The following PREP variants were observed in gnomAD, a reference collection of about 807,000 sequenced individuals.
PREP encodes the protein prolyl endopeptidase.
In PREP, 29 loss-of-function variants were observed where a neutral mutation model predicts 87.6. That is an observed-to-expected ratio of 0.33 (90% CI 0.25 to 0.45). The LOEUF (loss-of-function observed/expected upper bound fraction) is 0.45. PREP is among the 20% of genes least tolerant of loss of function. PREP has a pLI of 1.00. For missense variants in PREP, 695 were observed against 886.5 expected, an observed-to-expected ratio of 0.78 and a Z score of 2.74; for synonymous variants, 337 against 328.6, an observed-to-expected ratio of 1.03 and a Z score of -0.28.
rs528136614 is a variant in PREP, at chr6:105,284,612, CT to C, written c.1549+873del. 3.2e-3 allele frequency among the ~76,000 whole-genome samples: 481 copies of C among 152,220 alleles called. 2 individuals are homozygous for C. Among genetic ancestry groups the C allele is most frequent in the Non-Finnish European group, 3.3e-3 (224 of 68,016 alleles). On this transcript the variant is annotated intron_variant, in intron 12 of 14. Coordinates refer to ENST00000652536, the MANE Select transcript of PREP (RefSeq NM_002726.5). The stretch of plus-strand genomic sequence containing the variant: ...TTATGATAAATGATGGCTGAAAAGA[CT>C]GGGGGAAGCATAGAGCTGATGGAGG...
chr6:105,327,037 G>A (rs548454816), intron 9 of PREP, among the ~76,000 whole-genome samples: 4 of 152,218 alleles, frequency 2.6e-5, no homozygotes, highest in South Asian at 2.1e-4. Context: ...GGTCACATGC[G>A]GTCACTGAAG....
Position 105,285,695 on chromosome 6 carries a change from A to G in PREP, c.1455-115T>C, listed in dbSNP as rs552368423. On this transcript the variant is annotated intron_variant, in intron 11 of 14. Transcript: ENST00000652536. ...CAACACTCTGAGTAATATCATCTCA[A>G]TAGGAGCTTGACATTTCTTTTATTG... 17 of 759,814 alleles carry G rather than the reference A, an allele frequency of 2.2e-5. No homozygotes were observed. The East Asian group carries it at 4.4e-4, about 20-fold the overall frequency. 47.1% of individuals were successfully genotyped at this position (759,814 alleles called of 1,614,324 possible).
chr6:105,330,641 T>C (rs1771303364), intron 8 of PREP, among the ~76,000 whole-genome samples: 1 of 151,332 alleles, frequency 6.6e-6, no homozygotes, highest in Non-Finnish European at 1.5e-5. Context: ...TCACATGTGC[T>C]GAACAGACAA....
chr6:105,280,404 T>C (rs1382855006), intron 14 of PREP, among the ~76,000 whole-genome samples: 1 of 151,040 alleles, frequency 6.6e-6, no homozygotes, highest in Non-Finnish European at 1.5e-5. Flanking sequence ...CAAACACTGG[T>C]GATTAAAAAT....
At chr6:105,362,208 C>A (rs926523996) in intron 6 of PREP, among the ~76,000 whole-genome samples, 4 of 152,168 alleles carry the variant, frequency 2.6e-5, no homozygotes, top group African/African-American at 9.7e-5. Context: ...AGCCTGTAAT[C>A]CCAGCACTTT....
intron 2 of PREP, among the ~76,000 whole-genome samples, chr6:105,388,303 T>C (rs911048416): frequency 2.6e-5 from 4 of 152,184 alleles, no homozygotes; most frequent in Admixed American, 2.0e-4. Context: ...TGGAGATCAG[T>C]GAAGCCATAG....
At chr6:105,402,761 C>T (rs11968875) in intron 1 of PREP, 86 bp downstream of exon 1, 75,754 of 1,303,200 alleles carry the variant, frequency 0.058, 3,282 homozygotes, top group African/African-American at 0.16. Flanking sequence ...CGAAGGCCTA[C>T]AGGAAGAGGA....
In PREP at chr6:105,278,394, A is replaced by C; in HGVS notation, c.1883T>G (p.Ile628Ser). ...GAGGAGCAGCATGGACGGGTACTGGATGTCATCTGCTTCTGGTAACTTCAC... is the reference window on the plus strand; with the variant it reads ...GAGGAGCAGCATGGACGGGTACTGGCTGTCATCTGCTTCTGGTAACTTCAC... The part of the protein sequence containing the change: ...HNVKLPEADD[I>S]QYPSMLLLTA... Residue 628 changes from isoleucine to serine, a missense_variant, in exon 15 of 15, where the codon ATC (isoleucine) becomes AGC (serine). This residue lies in a region of PREP where 121 missense variants were observed against 154.8 expected (regional missense o/e 0.78). Transcript: ENST00000652536. This position sits in a 1 kb window ranked among gnomAD's most constrained non-coding sequence, Gnocchi z 4.2. 6.2e-7 allele frequency: 1 copy of C among 1,614,064 alleles called. No homozygotes were observed. Among genetic ancestry groups the C allele is most frequent in the African/African-American group, 1.3e-5 (1 of 75,062 alleles).
chr6:105,381,520 A>G (rs1161953974), intron 2 of PREP, among the ~76,000 whole-genome samples: 1 of 152,226 alleles, frequency 6.6e-6, no homozygotes, highest in Non-Finnish European at 1.5e-5. Context: ...GGAAAACACA[A>G]ATTCCTTGTT....
At position 105,277,195 on chromosome 6, in the gene PREP, C is replaced by A. The variant is rs1769959106; in HGVS notation, c.*949G>T. ...TTTTTTTTCCAGTAAGTAAGTATGA[C>A]TATTTCTATTTCCAGGAGTGATCTA... On this transcript the variant is annotated 3_prime_UTR_variant, in exon 15 of 15. Transcript: ENST00000652536. Among the ~76,000 whole-genome samples, 1 of 143,198 alleles carries A rather than the reference C, an allele frequency of 7.0e-6. No individual in the cohort carries two copies. Among genetic ancestry groups the A allele is most frequent in the African/African-American group, 2.7e-5 (1 of 36,536 alleles). 93.9% of individuals were successfully genotyped at this position (143,198 alleles called of 152,430 possible). A position where few individuals can be genotyped will look rare whatever the true frequency, so the allele number is the denominator to read the frequency against.
intron 9 of PREP, among the ~76,000 whole-genome samples, chr6:105,327,751 A>G (rs1026828329): frequency 4.6e-5 from 7 of 152,162 alleles, no homozygotes; most frequent in African/African-American, 9.7e-5. Context: ...GGAGTTCAAC[A>G]TATGTGCATA....
chr6:105,286,515 C>G (rs1011320072), intron 11 of PREP, among the ~76,000 whole-genome samples: 1 of 152,154 alleles, frequency 6.6e-6, no homozygotes, highest in Non-Finnish European at 1.5e-5. Context: ...TCCCCCTTCT[C>G]TTTCCACTGT....
chr6:105,321,812 T>C (rs766399353), intron 10 of PREP, among the ~76,000 whole-genome samples: 1 of 152,168 alleles, frequency 6.6e-6, no homozygotes, highest in Non-Finnish European at 1.5e-5. Flanking sequence ...GAAAACAGTA[T>C]CTTTTTTTAC....
intron 2 of PREP, among the ~76,000 whole-genome samples, chr6:105,380,860 G>A (rs1772818792): frequency 6.6e-6 from 1 of 152,148 alleles, no homozygotes; most frequent in Admixed American, 6.5e-5. Context: ...GGGTCCAAGG[G>A]TCAGAGGCTG....
intron 6 of PREP, among the ~76,000 whole-genome samples, chr6:105,367,239 A>G (rs1304925684): frequency 6.6e-6 from 1 of 152,210 alleles, no homozygotes; most frequent in Non-Finnish European, 1.5e-5. Flanking sequence ...TTTCATATCT[A>G]TGGTACGCAG....
rs1422506873 is a variant in PREP, at chr6:105,278,570, A to G, written c.1839-132T>C. 3.3e-6 allele frequency: 3 copies of G among 922,092 alleles called. No individual in the cohort carries two copies. Among genetic ancestry groups the G allele is most frequent in the Non-Finnish European group, 4.8e-6 (3 of 627,788 alleles). The allele number at this position is 922,092 out of a possible 1,614,324, so 57.1% of individuals were successfully genotyped here. On this transcript the variant is annotated intron_variant, in intron 14 of 14. Coordinates refer to ENST00000652536, the MANE Select transcript of PREP (RefSeq NM_002726.5). This position sits in a 1 kb window ranked among gnomAD's most constrained non-coding sequence, Gnocchi z 4.2. ...TGAGTGACCACCATGGACTGTGCCT[A>G]TGCGTTACCATTTAGGCCATGACTG...
chr6:105,402,915 C>A lies in PREP; in HGVS notation c.-24G>T, dbSNP rs1175490389. On this transcript the variant is annotated 5_prime_UTR_variant, in exon 1 of 15. Transcript: ENST00000652536. ...ATGGCCGGGGACAGGCAGGGGGCAG[C>A]GTGGAGGGGCGCGGGCTCCGGGAGC... is the stretch of plus-strand genomic sequence containing the variant. The A allele has an allele frequency of 3.6e-6, 5 of 1,396,082 alleles. No individual in the cohort carries two copies. Among genetic ancestry groups the A allele is most frequent in the African/African-American group, 1.5e-5 (1 of 68,942 alleles). 86.5% of individuals were successfully genotyped at this position (1,396,082 alleles called of 1,614,324 possible).
chr6:105,371,276 G>A (rs1305048918), intron 5 of PREP, among the ~76,000 whole-genome samples: 1 of 152,086 alleles, frequency 6.6e-6, no homozygotes, highest in Non-Finnish European at 1.5e-5. Context: ...AGGCCGAGGT[G>A]GGAGGATCAC....
chr6:105,302,024 G>C (rs1770547402), intron 10 of PREP, among the ~76,000 whole-genome samples: 1 of 152,224 alleles, frequency 6.6e-6, no homozygotes. Context: ...CTGGTGTTTT[G>C]AGGTAGAAAG....
Sources: gnomAD v4.1 joint callset for allele counts (sites outside exome capture counted in the v4.1 genomes callset) on GRCh38, gnomAD v4.1.1 for gene constraint, gnomAD v4.1.1 regional missense constraint, Gnocchi (gnomAD v3.1) non-coding constraint, MANE v1.5 for transcripts, NCBI Gene and HGNC (gene_info 2026-07-23, HGNC 2026-07-21) for gene names.